Variants in LRP1B observed in about 807,000 individuals in gnomAD.
The protein encoded by LRP1B is LDL receptor related protein 1B, also known as low-density lipoprotein receptor-related protein 1B.
Under a neutral mutation model 556.6 loss-of-function variants are expected in LRP1B, and 217 were observed. The ratio of observed to expected loss-of-function variants is 0.39; its 90% CI spans 0.35 to 0.44. The LOEUF is 0.44. Ranked by LOEUF, LRP1B falls within the 20% of genes least tolerant of loss-of-function variation. The pLI is 1.00. For synonymous variants in LRP1B, 2,047 were observed against 1,865.8 expected (o/e 1.10, Z -2.50); for missense variants, 5,053 against 5,620.8 (o/e 0.90, Z 3.23).
At chr2:141,269,817 C>T (rs995953246) in intron 3 of LRP1B, among the ~76,000 whole-genome samples, 2 of 151,896 alleles carry the variant, frequency 1.3e-5, no homozygotes, top group East Asian at 1.9e-4. Context: ...TTTCAGAAGC[C>T]CCAGATGTTG....
intron 6 of LRP1B, among the ~76,000 whole-genome samples, chr2:141,200,152 T>G (rs1465190983): frequency 6.6e-6 from 1 of 152,106 alleles, no homozygotes; most frequent in African/African-American, 2.4e-5. Context: ...CTATTCACAA[T>G]AGCAAAGACG....
rs142229924 is a variant in LRP1B at position 142,027,303 on chromosome 2, G to GT, written c.82+103344dup. On this transcript the variant is annotated intron_variant, in intron 1 of 90. Transcript: ENST00000389484. Reference sequence around the variant, plus strand: ...AAAGAAATTCTGATTTTTAGAGGTTGTTTTTTTTTTCCAAATACTATATTA... The same window carrying GT: ...AAAGAAATTCTGATTTTTAGAGGTTGTTTTTTTTTTTCCAAATACTATATTA... 5.8e-3 allele frequency among the ~76,000 whole-genome samples: 853 copies of GT among 147,834 alleles called. 20 individuals are homozygous for GT. The highest frequency in any genetic ancestry group is 3.5e-3 in the Non-Finnish European group (235 of 66,718).
chr2:141,249,070 A>T (rs1035963922), intron 4 of LRP1B, among the ~76,000 whole-genome samples: 1 of 152,172 alleles, frequency 6.6e-6, no homozygotes, highest in African/African-American at 2.4e-5. Flanking sequence ...TCACTGTGTT[A>T]AATTTGAGGT....
intron 66 of LRP1B, among the ~76,000 whole-genome samples, chr2:140,404,990 C>A (rs1400625383): frequency 6.6e-6 from 1 of 152,118 alleles, no homozygotes; most frequent in Non-Finnish European, 1.5e-5. Flanking sequence ...AAACAAGTCT[C>A]AATGAATTTA....
In LRP1B at chr2:141,920,286, G is replaced by T. The variant is rs553405475; in HGVS notation, c.83-109885C>A. On this transcript the variant is annotated intron_variant, in intron 1 of 90. Coordinates refer to ENST00000389484, the MANE Select transcript of LRP1B (RefSeq NM_018557.3). ...TTTTTTCTTCTTTTTTTTTGGGGGG[G>T]GGTGGTAGGGATAATCATTTATTTC... is the stretch of plus-strand genomic sequence containing the variant. Among the ~76,000 whole-genome samples the T allele has an allele frequency of 1.6e-4, 21 of 133,538 alleles. No individual in the cohort carries two copies. The East Asian group carries it at 4.4e-3, about 28-fold the overall frequency. 87.6% of individuals were successfully genotyped at this position (133,538 alleles called of 152,430 possible). A position where few individuals can be genotyped will look rare whatever the true frequency, so the allele number is the denominator to read the frequency against.
At chr2:140,399,602 T>G (rs1228170220) in intron 66 of LRP1B, among the ~76,000 whole-genome samples, 3 of 152,206 alleles carry the variant, frequency 2.0e-5, no homozygotes, top group Non-Finnish European at 4.4e-5. Context: ...AGAAACACCA[T>G]TGTCTGCTGG....
intron 23 of LRP1B, among the ~76,000 whole-genome samples, chr2:140,896,324 T>C (rs75214608): frequency 0.056 from 8,509 of 151,928 alleles, 242 homozygotes; most frequent in East Asian, 0.1. Flanking sequence ...TTTTATATAA[T>C]AAGATATTAG....
intron 86 of LRP1B, among the ~76,000 whole-genome samples, chr2:140,252,102 A>AAAAAAAAAAAAACCC (rs1291853504): frequency 6.8e-6 from 1 of 146,964 alleles, no homozygotes; most frequent in African/African-American, 2.5e-5. Flanking sequence ...CAAAAAACAA[A>AAAAAAAAAAAAACCC]AAAAAACAGA....
intron 1 of LRP1B, among the ~76,000 whole-genome samples, chr2:141,940,723 T>C (rs372586184): frequency 1.9e-4 from 29 of 152,186 alleles, no homozygotes; most frequent in African/African-American, 7.0e-4. Context: ...TCACTGGGAA[T>C]TGAAAATCTC....
At chr2:140,608,758 A>C (rs973636232) in intron 41 of LRP1B, among the ~76,000 whole-genome samples, 1 of 152,184 alleles carries the variant, frequency 6.6e-6, no homozygotes, top group African/African-American at 2.4e-5. Flanking sequence ...ACAACAACAA[A>C]ACAATTTGCC....
At chr2:141,653,675 A>G (rs1167980502) in intron 2 of LRP1B, among the ~76,000 whole-genome samples, 7 of 152,310 alleles carry the variant, frequency 4.6e-5, no homozygotes, top group Non-Finnish European at 1.5e-5. Flanking sequence ...TCATAGCATC[A>G]GGTAATCTTG....
At chr2:140,384,320 G>T (rs1488868143) in intron 67 of LRP1B, among the ~76,000 whole-genome samples, 1 of 152,198 alleles carries the variant, frequency 6.6e-6, no homozygotes, top group African/African-American at 2.4e-5. Context: ...TAAGCAGAAA[G>T]TATATGCATA....
At chr2:141,273,319 A>G (rs1685159570) in intron 3 of LRP1B, among the ~76,000 whole-genome samples, 2 of 152,056 alleles carry the variant, frequency 1.3e-5, no homozygotes, top group Admixed American at 1.3e-4. Flanking sequence ...AAAAAAAAAA[A>G]GGAAGAAAAA....
chr2:140,241,566 T>C (rs895634883), intron 87 of LRP1B, among the ~76,000 whole-genome samples: 1 of 150,796 alleles, frequency 6.6e-6, no homozygotes, highest in Non-Finnish European at 1.5e-5. Flanking sequence ...TTTTTTCCCT[T>C]CATAGATGGC....
At chr2:140,483,617 T>C (rs28570237) in intron 59 of LRP1B, among the ~76,000 whole-genome samples, 7,888 of 77,844 alleles carry the variant, frequency 0.1, 263 homozygotes, top group African/African-American at 0.14. Flanking sequence ...CACACACACA[T>C]ATATATATAT....
chr2:142,098,476 A>C (rs1288321643), intron 1 of LRP1B, among the ~76,000 whole-genome samples: 2 of 151,742 alleles, frequency 1.3e-5, no homozygotes, highest in Admixed American at 6.6e-5. Flanking sequence ...AGATTTTTTA[A>C]ATGGCTCTTT....
chr2:141,759,452 G>A (rs939332207), intron 2 of LRP1B, among the ~76,000 whole-genome samples: 1 of 152,166 alleles, frequency 6.6e-6, no homozygotes, highest in Non-Finnish European at 1.5e-5. Context: ...GAAATATAGG[G>A]ATAGGGAATG....
chr2:141,172,940 T>C (rs867372868), intron 7 of LRP1B, among the ~76,000 whole-genome samples: 2 of 152,154 alleles, frequency 1.3e-5, no homozygotes, highest in Middle Eastern at 3.4e-3. Flanking sequence ...TTTCCCTTAT[T>C]TCCAATTATC....
intron 2 of LRP1B, among the ~76,000 whole-genome samples, chr2:141,493,406 C>T (rs1205553030): frequency 6.6e-6 from 1 of 152,138 alleles, no homozygotes; most frequent in Admixed American, 6.6e-5. Flanking sequence ...AGTACTAAAA[C>T]AGCTCTTACA....
Sources: allele counts gnomAD v4.1 joint callset (sites outside exome capture counted in the v4.1 genomes callset), GRCh38; gene constraint gnomAD v4.1.1; transcripts MANE v1.5; gene names NCBI Gene and HGNC (gene_info 2026-07-23, HGNC 2026-07-21).